AGAP6: variants seen among roughly 807,000 people sequenced by gnomAD.
AGAP6 encodes the protein ArfGAP with GTPase domain, ankyrin repeat and PH domain 6, also known as arf-GAP with GTPase, ANK repeat and PH domain-containing protein 6.
A neutral mutation model predicts 63.9 loss-of-function variants in AGAP6; 29 were observed. The observed-to-expected ratio is 0.45, with a 90% confidence interval of 0.34 to 0.62. The LOEUF is 0.62. AGAP6 is among the 20% of genes least tolerant of loss of function. AGAP6 has a pLI of 0.01. For synonymous variants in AGAP6, 199 were observed against 332.9 expected (o/e 0.60, Z 4.38); for missense variants, 493 against 884.9 (o/e 0.56, Z 5.62).
In AGAP6 at chr10:49,995,936, G is replaced by A. The variant is rs367792528; in HGVS notation, c.396+1507G>A. Among the ~76,000 whole-genome samples the A allele has an allele frequency of 4.1e-4, 63 of 152,240 alleles. 1 individual carries two copies. In the East Asian group the frequency reaches 7.5e-3, roughly 18 times the overall value. On this transcript the variant is annotated intron_variant, in intron 4 of 7. Coordinates refer to ENST00000412531, the MANE Select transcript of AGAP6 (RefSeq NM_001077665.3). Reference sequence around the variant, plus strand: ...TTTAGTTATCTGCGGAAGCTTTTTAGAATCTCTCTCTCTAAGGTTCTGAAA... The same window carrying A: ...TTTAGTTATCTGCGGAAGCTTTTTAAAATCTCTCTCTCTAAGGTTCTGAAA...
intron 4 of AGAP6, among the ~76,000 whole-genome samples, chr10:49,997,601 G>A (rs1457244141): frequency 6.6e-6 from 1 of 152,148 alleles, no homozygotes; most frequent in Non-Finnish European, 1.5e-5. Flanking sequence ...TTTATTTTAT[G>A]TTTGCTGAGA....
In AGAP6 at chr10:49,988,932, C is replaced by A; in HGVS notation, c.217C>A (p.Pro73Thr). ...HMHHVRDREM[P>T]EALEFNLSAN... ...GCACCACGTTCGTGACCGGGAGATG[C>A]CTGAAGGTGAGGAGGTGATAGGTGC... Residue 73 changes from proline (P) to threonine (T), a missense_variant, in exon 1 of 8, where the codon CCT (proline) becomes ACT (threonine). Physicochemically the swap from Pro to Thr is conservative, Grantham distance 38 (BLOSUM62 -1). Coordinates refer to ENST00000412531, the MANE Select transcript of AGAP6 (RefSeq NM_001077665.3). 6.2e-7 allele frequency: 1 copy of A among 1,601,534 alleles called. No individual in the cohort carries two copies. The highest frequency in any genetic ancestry group is 8.5e-7 in the Non-Finnish European group (1 of 1,179,364).
At chr10:49,996,555 A>G (rs1208882593) in intron 4 of AGAP6, among the ~76,000 whole-genome samples, 2 of 151,622 alleles carry the variant, frequency 1.3e-5, no homozygotes, top group Non-Finnish European at 2.9e-5. Flanking sequence ...AGAGTTAGCG[A>G]AGAAAGTTGG....
At chr10:49,991,082 C>T (rs181604695) in intron 2 of AGAP6, among the ~76,000 whole-genome samples, 1 of 152,158 alleles carries the variant, frequency 6.6e-6, no homozygotes, top group African/African-American at 2.4e-5. Context: ...TCACTTGGCC[C>T]TTTCCAATAG....
chr10:49,991,744 G>A lies in AGAP6; in HGVS notation c.361G>A (p.Val121Ile). The change falls in exon 3 of 8, where the codon GTT (valine) becomes ATT (isoleucine). Residue 121 changes from valine to isoleucine, a missense_variant and splice_region_variant. Around this residue, in one of 7 missense-constraint regions of AGAP6, gnomAD observed 342 missense variants for 533.4 expected, o/e 0.64. Transcript: ENST00000412531. ...TIFQRNSQTD[V>I]VEIRRSNCTN... is the part of the protein sequence containing the mutation. ...ATTCCAGAGGAACTCTCAAACAGAT[G>A]GTGAGACGACATTGTCTTTTCCACC... is the stretch of plus-strand genomic sequence containing the variant. The A allele has an allele frequency of 6.3e-7, 1 of 1,598,384 alleles. No homozygotes were observed. The highest frequency in any genetic ancestry group is 1.1e-5 in the South Asian group (1 of 91,020).
chr10:50,001,465 C>T (rs1164847111), intron 4 of AGAP6, among the ~76,000 whole-genome samples: 2 of 112,854 alleles, frequency 1.8e-5, no homozygotes, highest in African/African-American at 6.0e-5. Context: ...TGTCTGCCGG[C>T]CTGGAGTGCA....
At chr10:50,007,940 G>A (rs1484249165) in intron 6 of AGAP6, 85 bp from the exon 7 acceptor site, 14 of 1,607,468 alleles carry the variant, frequency 8.7e-6, no homozygotes, top group African/African-American at 1.3e-5. Context: ...AAACACCAAA[G>A]CACACAGGAG....
chr10:49,991,857 A>G (rs1554861087), intron 3 of AGAP6, 113 bp downstream of exon 3: 1 of 1,499,572 alleles, frequency 6.7e-7, no homozygotes. Flanking sequence ...ACCTTTTCAC[A>G]TGTTCACTTG....
rs1454506300 is a variant in AGAP6 at position 49,989,235 on chromosome 10, C to T, written c.224-73C>T. On this transcript the variant is annotated intron_variant, in intron 1 of 7. Transcript: ENST00000412531. ...TTTATGGCTCTTGTCGAATAAGCAG[C>T]AGTTGAATAAATAAGTTGATAAATT... The T allele has an allele frequency of 5.7e-6, 9 of 1,585,982 alleles. No individual in the cohort carries two copies. The East Asian group carries it at 1.8e-4, about 32-fold the overall frequency.
chr10:50,005,869 G>A (rs1249284223), intron 6 of AGAP6, among the ~76,000 whole-genome samples: 4 of 149,488 alleles, frequency 2.7e-5, no homozygotes, highest in Non-Finnish European at 6.0e-5. Flanking sequence ...GCAGTGAGCC[G>A]AGATCTCGCC....
In AGAP6 at chr10:50,010,179, G is replaced by A. The variant is rs1842061622; in HGVS notation, c.2054G>A (p.Cys685Tyr). The change falls in exon 8 of 8, where the codon TGT (cysteine) becomes TAT (tyrosine). Residue 685 changes from cysteine to tyrosine, a missense_variant. Cys to Tyr is a radical substitution (Grantham distance 194). Coordinates refer to ENST00000412531, the MANE Select transcript of AGAP6 (RefSeq NM_001077665.3). ...CTGCAGTACGGCTGCCCCGACGAGT[G>A]TGTGTAGTATCTGTTTTATTTGACT... ...VLLQYGCPDE[C>Y]V The A allele has an allele frequency of 6.2e-7, 1 of 1,603,800 alleles. No homozygotes were observed. The highest frequency in any genetic ancestry group is 1.1e-5 in the South Asian group (1 of 90,364).
intron 3 of AGAP6, among the ~76,000 whole-genome samples, chr10:49,993,381 A>G (rs1300824314): frequency 6.6e-6 from 1 of 152,188 alleles, no homozygotes; most frequent in Non-Finnish European, 1.5e-5. Flanking sequence ...TCCAGCATCA[A>G]AGGCAGAGGC....
chr10:50,004,176 A>G (rs1554863451), intron 5 of AGAP6, among the ~76,000 whole-genome samples: 1 of 148,854 alleles, frequency 6.7e-6, no homozygotes, highest in Non-Finnish European at 1.5e-5. Flanking sequence ...CAAGAGCGAA[A>G]CTCCACCCAC....
chr10:50,003,767 G>T (rs1554863352), intron 5 of AGAP6, among the ~76,000 whole-genome samples: 1 of 152,194 alleles, frequency 6.6e-6, no homozygotes, highest in African/African-American at 2.4e-5. Context: ...GGGACCTTGG[G>T]CAAGTCAGTT....
At chr10:49,994,457 A>G in intron 4 of AGAP6, 28 bp downstream of exon 4, 2 of 1,524,422 alleles carry the variant, frequency 1.3e-6, no homozygotes, top group Non-Finnish European at 1.8e-6. Context: ...TACTTAAGAA[A>G]TTGATAGTTT....
At chr10:49,990,673 T>A (rs1841235633) in intron 2 of AGAP6, among the ~76,000 whole-genome samples, 1 of 152,170 alleles carries the variant, frequency 6.6e-6, no homozygotes, top group African/African-American at 2.4e-5. Context: ...TAAATCCAGT[T>A]GGCTTATTGG....
At chr10:49,995,570 T>C (rs1554861769) in intron 4 of AGAP6, among the ~76,000 whole-genome samples, 1 of 152,198 alleles carries the variant, frequency 6.6e-6, no homozygotes, top group Admixed American at 6.5e-5. Context: ...TGGCCTTTTG[T>C]CATCCTAGTT....
chr10:49,991,704 A>G lies in AGAP6; in HGVS notation c.321A>G (p.Pro107=). 1 of 1,598,880 alleles carries G rather than the reference A, an allele frequency of 6.3e-7. No individual in the cohort carries two copies. Among genetic ancestry groups the G allele is most frequent in the South Asian group, 1.1e-5 (1 of 91,030 alleles). The change falls in exon 3 of 8, where the codon CCA becomes CCG. Residue 107 remains proline (P), a synonymous_variant. Transcript: ENST00000412531. ...EALEFNPSAN[P]EASTIFQRNS... ...TGGAGTTTAACCCTTCTGCCAATCC[A>G]GAGGCAAGCACAATATTCCAGAGGA...
At chr10:50,008,144 A>C in intron 7 of AGAP6, 68 bp downstream of exon 7, 1 of 1,611,362 alleles carries the variant, frequency 6.2e-7, no homozygotes, top group Non-Finnish European at 8.5e-7. Context: ...CTGAAGTCAA[A>C]GCCATCTTTT....
Sources: allele counts gnomAD v4.1 joint callset (sites outside exome capture counted in the v4.1 genomes callset), GRCh38; gene constraint gnomAD v4.1.1; regional missense constraint gnomAD v4.1.1; transcripts MANE v1.5; gene names NCBI Gene and HGNC (gene_info 2026-07-23, HGNC 2026-07-21).